EBF1: variants seen among roughly 807,000 people sequenced by gnomAD.
EBF1 encodes the protein EBF transcription factor 1, also known as transcription factor COE1.
In EBF1, 10 loss-of-function variants were observed where a neutral mutation model predicts 68.4. The observed-to-expected ratio is 0.15, with a 90% CI of 0.09 to 0.25. The LOEUF (loss-of-function observed/expected upper bound fraction) is 0.25. EBF1 is among the 10% of genes least tolerant of loss of function. The pLI, the probability that EBF1 is intolerant of heterozygous loss-of-function variation, is 1.00. For missense variants in EBF1, 509 were observed against 794.4 expected (o/e 0.64, Z 4.32); for synonymous variants, 298 against 299.8 (o/e 0.99, Z 0.06).
intron 6 of EBF1, among the ~76,000 whole-genome samples, chr5:158,893,445 T>C (rs1801577809): frequency 6.6e-6 from 1 of 152,250 alleles, no homozygotes; most frequent in Non-Finnish European, 1.5e-5. Context: ...TTCTACGCTA[T>C]GTCACAATAT....
rs575448391 is a variant in EBF1, at chr5:159,020,050, T to C, written c.554+53346A>G. Among the ~76,000 whole-genome samples the C allele has an allele frequency of 2.0e-3, 305 of 152,186 alleles. 2 individuals carry two copies. In the Middle Eastern group the frequency reaches 0.027, roughly 14 times the overall value. On this transcript the variant is annotated intron_variant, in intron 6 of 15. Transcript: ENST00000313708. ...ACCTAAGAATGAGGTGGATGGACAA[T>C]GGCCCATCTCTAACGTTCTCTATAG...
At chr5:158,811,288 T>G (rs1782608820) in intron 8 of EBF1, among the ~76,000 whole-genome samples, 1 of 152,180 alleles carries the variant, frequency 6.6e-6, no homozygotes, top group Non-Finnish European at 1.5e-5. Flanking sequence ...CAATTTGCCT[T>G]TGAGTAATGT....
intron 6 of EBF1, among the ~76,000 whole-genome samples, chr5:158,852,062 G>C (rs1244202980): frequency 1.1e-5 from 1 of 91,666 alleles, no homozygotes; most frequent in African/African-American, 4.3e-5. Context: ...GGGGAGGAGA[G>C]GGGAGGAGAG....
intron 9 of EBF1, among the ~76,000 whole-genome samples, chr5:158,785,935 C>G (rs937206084): frequency 3.9e-5 from 6 of 152,136 alleles, no homozygotes; most frequent in Admixed American, 3.9e-4. Context: ...AGGATATGAC[C>G]TTGGCCTTCT....
intron 7 of EBF1, among the ~76,000 whole-genome samples, chr5:158,835,963 T>C (rs1788686178): frequency 6.6e-6 from 1 of 152,150 alleles, no homozygotes. Flanking sequence ...CCAATATCGA[T>C]AGAAGCACAT....
At chr5:159,013,551 C>G (rs1487828066) in intron 6 of EBF1, among the ~76,000 whole-genome samples, 2 of 152,184 alleles carry the variant, frequency 1.3e-5, no homozygotes, top group African/African-American at 4.8e-5. Flanking sequence ...CCCCAAGGTA[C>G]AGGGAGCATG....
intron 6 of EBF1, among the ~76,000 whole-genome samples, chr5:159,067,155 T>C (rs1460540988): frequency 6.6e-6 from 1 of 152,044 alleles, no homozygotes; most frequent in Non-Finnish European, 1.5e-5. Context: ...AGAGAGTTTT[T>C]CCCCCCATTC....
intron 6 of EBF1, among the ~76,000 whole-genome samples, chr5:158,940,760 ACCG>A (rs1813094777): frequency 5.7e-4 from 4 of 7,018 alleles, no homozygotes; most frequent in Admixed American, 2.8e-3. Flanking sequence ...CCTTCACCCC[ACCG>A]CCCCCCCCCC....
At chr5:158,854,617 A>G (rs1180066811) in intron 6 of EBF1, among the ~76,000 whole-genome samples, 2 of 152,234 alleles carry the variant, frequency 1.3e-5, no homozygotes, top group African/African-American at 2.4e-5. Context: ...AGTAACTTTT[A>G]GTAGCATTTT....
Position 158,712,191 on chromosome 5 carries a change from G to A in EBF1, c.1512C>T (p.Thr504=), listed in dbSNP as rs1281968738. 1.2e-6 allele frequency: 2 copies of A among 1,613,870 alleles called. No homozygotes were observed. The highest frequency in any genetic ancestry group is 2.2e-5 in the South Asian group (2 of 90,962). ...AAMSNLGGSP[T]FLNGSAANSP... ...AGTTGGCAGCTGAGCCGTTGAGGAA[G>A]GTGGGGGAGCCGCCCAAATTGGACA... is the stretch of plus-strand genomic sequence containing the variant. Residue 504 remains threonine (T), a synonymous_variant, in exon 14 of 16, where the codon ACC becomes ACT. Coordinates refer to ENST00000313708, the MANE Select transcript of EBF1 (RefSeq NM_024007.5).
intron 6 of EBF1, among the ~76,000 whole-genome samples, chr5:158,923,647 T>A (rs541752913): frequency 2.6e-5 from 4 of 152,194 alleles, no homozygotes; most frequent in Non-Finnish European, 5.9e-5. Flanking sequence ...ACTATTAGTT[T>A]CCTTAAGTCT....
rs763698945 is a variant in EBF1, at chr5:159,069,539, T to C, written c.554+3857A>G. On this transcript the variant is annotated intron_variant, in intron 6 of 15. Transcript: ENST00000313708. ...AAAATAAAGAGTTTGGGGAAGCAAATTAAGAATGAATGGTCATCCTAACCA... is the reference window on the plus strand; with the variant it reads ...AAAATAAAGAGTTTGGGGAAGCAAACTAAGAATGAATGGTCATCCTAACCA... Among the ~76,000 whole-genome samples the C allele has an allele frequency of 2.5e-4, 38 of 152,134 alleles. 1 individual carries two copies. Among genetic ancestry groups the C allele is most frequent in the Non-Finnish European group, 1.5e-5 (1 of 67,972 alleles).
At chr5:158,756,977 GAA>G (rs112061808) in intron 10 of EBF1, among the ~76,000 whole-genome samples, 6 of 124,826 alleles carry the variant, frequency 4.8e-5, no homozygotes, top group Admixed American at 8.1e-5. Flanking sequence ...CCCTCATGCT[GAA>G]AAAAAAAAAA....
chr5:159,009,985 T>C (rs1764305241), intron 6 of EBF1, among the ~76,000 whole-genome samples: 2 of 152,204 alleles, frequency 1.3e-5, no homozygotes, highest in Non-Finnish European at 2.9e-5. Flanking sequence ...ATTCAGGCAA[T>C]CCTCAAAATA....
chr5:158,834,720 C>T (rs1239522281), intron 7 of EBF1, among the ~76,000 whole-genome samples: 1 of 152,210 alleles, frequency 6.6e-6, no homozygotes, highest in African/African-American at 2.4e-5. Context: ...AATGTCTTTC[C>T]ATGTCAAGAG....
At chr5:158,891,139 T>TG (rs1562231465) in intron 6 of EBF1, among the ~76,000 whole-genome samples, 1 of 151,890 alleles carries the variant, frequency 6.6e-6, no homozygotes, top group Non-Finnish European at 1.5e-5. Context: ...TTGTGTGTGT[T>TG]TGTTTGTTTT....
chr5:158,834,002 A>T (rs1374454670), intron 7 of EBF1, among the ~76,000 whole-genome samples: 1 of 152,216 alleles, frequency 6.6e-6, no homozygotes, highest in Non-Finnish European at 1.5e-5. Context: ...TATAGATCTA[A>T]TATTTATACG....
At chr5:159,019,899 C>T (rs1766333398) in intron 6 of EBF1, among the ~76,000 whole-genome samples, 1 of 152,028 alleles carries the variant, frequency 6.6e-6, no homozygotes, top group Admixed American at 6.6e-5. Flanking sequence ...TGCTGCCACC[C>T]TAATAATTCC....
intron 6 of EBF1, among the ~76,000 whole-genome samples, chr5:158,963,073 A>G (rs531314401): frequency 6.6e-6 from 1 of 152,358 alleles, no homozygotes; most frequent in South Asian, 2.1e-4. Flanking sequence ...AGGTTTTACT[A>G]CAATCACGTA....
Sources: allele counts gnomAD v4.1 joint callset (sites outside exome capture counted in the v4.1 genomes callset), GRCh38; gene constraint gnomAD v4.1.1; transcripts MANE v1.5; gene names NCBI Gene and HGNC (gene_info 2026-07-23, HGNC 2026-07-21).